The following ECI1 variants were observed in gnomAD, a reference collection of about 807,000 sequenced individuals.
ECI1 encodes enoyl-CoA delta isomerase 1, also known as enoyl-CoA delta isomerase 1, mitochondrial.
Under a neutral mutation model 34.2 loss-of-function variants are expected in ECI1, and 34 were observed. The observed-to-expected ratio is 1.00, with a 90% CI of 0.76 to 1.33. The LOEUF (loss-of-function observed/expected upper bound fraction) is 1.33. ECI1 is among the 40% of genes most tolerant of loss of function. The pLI is 0.00. For synonymous variants in ECI1, 211 were observed against 193.0 expected, an observed-to-expected ratio of 1.09 and a Z score of -0.77; for missense variants, 456 against 422.2, an observed-to-expected ratio of 1.08 and a Z score of -0.70.
intron 3 of ECI1, among the ~76,000 whole-genome samples, chr16:2,245,116 CCA>C (rs1169537654): frequency 6.6e-6 from 1 of 152,164 alleles, no homozygotes; most frequent in Non-Finnish European, 1.5e-5. Context: ...CCTCAGACTC[CCA>C]GTCAGGGCTG....
rs1176159558 is a variant in ECI1 at position 2,239,985 on chromosome 16, T to C, written c.903A>G (p.Lys301=). The change falls in exon 7 of 7, where the codon AAA becomes AAG. Residue 301 remains lysine (K), a synonymous_variant. Transcript: ENST00000301729. The part of the protein sequence containing the change: ...QMYLERLKEE[K]G The stretch of plus-strand genomic sequence containing the variant: ...GCCTGTGGCAGCCCAATCGTTAGCC[T>C]TTTTCTTCTTTGAGCCTCTCTAAGT... 1.9e-6 allele frequency: 3 copies of C among 1,613,388 alleles called. No individual in the cohort carries two copies. The highest frequency in any genetic ancestry group is 2.5e-6 in the Non-Finnish European group (3 of 1,179,840).
Position 2,240,143 on chromosome 16 carries a change from G to T in ECI1, c.745C>A (p.His249Asn), listed in dbSNP as rs144710828. The change falls in exon 7 of 7, where the codon CAT becomes AAT. Residue 249 changes from histidine to asparagine, a missense_variant and splice_region_variant. By Grantham distance (68) the His-to-Asn change is moderately conservative (BLOSUM62 1). Coordinates refer to ENST00000301729, the MANE Select transcript of ECI1 (RefSeq NM_001919.4). ...AIAQWMAIPDHARQLTKAMMR... is the reference protein window; with the variant it reads ...AIAQWMAIPDNARQLTKAMMR... ...ATGGCCTTGGTCAGCTGTCGAGCAT[G>T]GTCTAAAGAGAATGGGACGTGCCAC... 6.8e-6 allele frequency: 11 copies of T among 1,613,488 alleles called. No individual in the cohort carries two copies. Among genetic ancestry groups the T allele is most frequent in the Admixed American group, 6.7e-5 (4 of 60,000 alleles).
At chr16:2,245,991 C>A (rs1012943751) in intron 3 of ECI1, among the ~76,000 whole-genome samples, 5 of 152,008 alleles carry the variant, frequency 3.3e-5, no homozygotes, top group African/African-American at 1.2e-4. Context: ...TGGACGTGGC[C>A]AGCACTTTGG....
intron 1 of ECI1, 36 bp downstream of exon 1, chr16:2,251,479 C>T: frequency 1.9e-6 from 3 of 1,547,812 alleles, no homozygotes; most frequent in South Asian, 1.2e-5. Context: ...CTGGCCCCGG[C>T]CCCGGCCCGA....
chr16:2,248,841 C>T (rs1596788648), intron 2 of ECI1, among the ~76,000 whole-genome samples: 1 of 152,172 alleles, frequency 6.6e-6, no homozygotes, highest in African/African-American at 2.4e-5. Context: ...TCCCTGTCCC[C>T]ATGAGCAGTT....
At chr16:2,245,143 G>A (rs1057152103) in intron 3 of ECI1, among the ~76,000 whole-genome samples, 4 of 152,164 alleles carry the variant, frequency 2.6e-5, no homozygotes, top group Non-Finnish European at 4.4e-5. Flanking sequence ...CCAGGGAGGC[G>A]GGCTCGGGGA....
Position 2,239,803 on chromosome 16 carries a change from T to C in ECI1, c.*176A>G, listed in dbSNP as rs1196974722. 3.0e-6 allele frequency: 2 copies of C among 670,774 alleles called. No individual in the cohort carries two copies. The highest frequency in any genetic ancestry group is 1.7e-5 in the South Asian group (1 of 60,050). The allele number at this position is 670,774 out of a possible 1,614,324, so 41.6% of individuals were successfully genotyped here. A position where few individuals can be genotyped will look rare whatever the true frequency, so the allele number is the denominator to read the frequency against. ...CTTGCCTGACGGGCACAGGCACCCA[T>C]GTGTGTTTGTGTGTGGCTGGGCCTT... On this transcript the variant is annotated 3_prime_UTR_variant, in exon 7 of 7. Coordinates refer to ENST00000301729, the MANE Select transcript of ECI1 (RefSeq NM_001919.4).
Position 2,239,630 on chromosome 16 carries a change from G to A in ECI1, c.*349C>T. ...CCACCTGGCCTTACACCTAAGAGCA[G>A]GCAGTCCAAAGGCCAGAATGGATGA... On this transcript the variant is annotated 3_prime_UTR_variant, in exon 7 of 7. Coordinates refer to ENST00000301729, the MANE Select transcript of ECI1 (RefSeq NM_001919.4). 1 of 369,080 alleles carries A rather than the reference G, an allele frequency of 2.7e-6. No homozygotes were observed. The allele number at this position is 369,080 out of a possible 1,614,324, so 22.9% of individuals were successfully genotyped here.
At chr16:2,245,352 GCCCTGTCTGCAGGA>G (rs1217229012) in intron 3 of ECI1, among the ~76,000 whole-genome samples, 7 of 152,204 alleles carry the variant, frequency 4.6e-5, no homozygotes, top group Non-Finnish European at 7.3e-5. Context: ...TGTTTACCCC[GCCCTGTCTGCAGGA>G]AGGAGGGCGA....
Position 2,243,160 on chromosome 16 carries a change from G to A in ECI1, c.628C>T (p.Leu210=), listed in dbSNP as rs1356403284. ...RAAERALQLG[L]LFPPAEALQV... is the part of the protein sequence containing the mutation. ...AGGGCCTCCGCCGGCGGGAAGAGCA[G>A]CCCCAGCTGCAGGGCACGCTCCGCC... The change falls in exon 6 of 7, where the codon CTG becomes TTG. Residue 210 remains leucine, a synonymous_variant. Coordinates refer to ENST00000301729, the MANE Select transcript of ECI1 (RefSeq NM_001919.4). The A allele has an allele frequency of 1.2e-6, 2 of 1,607,610 alleles. No homozygotes were observed. Among genetic ancestry groups the A allele is most frequent in the Non-Finnish European group, 1.7e-6 (2 of 1,179,738 alleles).
intron 2 of ECI1, among the ~76,000 whole-genome samples, chr16:2,248,790 C>A (rs1437245265): frequency 1.3e-5 from 2 of 152,160 alleles, no homozygotes; most frequent in African/African-American, 2.4e-5. Context: ...CAACTATCGC[C>A]GCTGCCTAGT....
Position 2,246,969 on chromosome 16 carries a change from A to G in ECI1, c.184T>C (p.Phe62Leu). The change falls in exon 3 of 7, where the codon TTC becomes CTC. Residue 62 changes from phenylalanine to leucine, a missense_variant. Phe to Leu is a conservative substitution (Grantham distance 22). Coordinates refer to ENST00000301729, the MANE Select transcript of ECI1 (RefSeq NM_001919.4). ...DAGAGVAVMK[F>L]KNPPVNSLSL... is the part of the protein sequence containing the mutation. ...AGGCTGTTCACTGGGGGGTTCTTGA[A>G]TTTCATCACAGCGACCCCTAATTTA... The G allele has an allele frequency of 6.2e-7, 1 of 1,613,530 alleles. No homozygotes were observed. The highest frequency in any genetic ancestry group is 8.5e-7 in the Non-Finnish European group (1 of 1,179,990).
rs549052283 is a variant in ECI1 at position 2,240,038 on chromosome 16, C to A, written c.850G>T (p.Asp284Tyr). 2 of 1,613,878 alleles carry A rather than the reference C, an allele frequency of 1.2e-6. No individual in the cohort carries two copies. The highest frequency in any genetic ancestry group is 2.2e-5 in the South Asian group (2 of 91,092). Reference protein sequence around the residue: ...VQNFVSFISKDSIQKSLQMYL... With the variant: ...VQNFVSFISKYSIQKSLQMYL... ...ATCTGCAGGGACTTCTGGATGGAGT[C>A]TTTGGAGATGAAGCTGACGAAGTTC... Residue 284 changes from aspartate to tyrosine, a missense_variant, in exon 7 of 7, where the codon GAC becomes TAC. Transcript: ENST00000301729.
intron 6 of ECI1, among the ~76,000 whole-genome samples, chr16:2,241,972 G>A (rs1013957664): frequency 1.3e-5 from 2 of 151,352 alleles, no homozygotes; most frequent in African/African-American, 4.9e-5. Flanking sequence ...CCATCCTCCT[G>A]CCTCAGCCTC....
Position 2,243,374 on chromosome 16 carries a change from G to A in ECI1, c.507C>T (p.Asn169=). Residue 169 remains asparagine (N), a synonymous_variant, in exon 5 of 7, where the codon AAC becomes AAT. Coordinates refer to ENST00000301729, the MANE Select transcript of ECI1 (RefSeq NM_001919.4). ...CATTGAGTCCTATGCAGTACCTGGG[G>A]TTGTCCGCCAGGATGCGGTAGTCAC... The part of the protein sequence containing the change: ...LTCDYRILAD[N]PRYCIGLNET... 6.2e-7 allele frequency: 1 copy of A among 1,613,714 alleles called. No individual in the cohort carries two copies. The highest frequency in any genetic ancestry group is 8.5e-7 in the Non-Finnish European group (1 of 1,180,016).
intron 6 of ECI1, chr16:2,241,040 C>T (rs2093527032): frequency 6.6e-6 from 1 of 151,830 alleles, no homozygotes; most frequent in Non-Finnish European, 1.5e-5. Context: ...AGAATATTTC[C>T]ACGACGCAGG....
At position 2,244,242 on chromosome 16, in the gene ECI1, A is replaced by G. The variant is rs1480412753; in HGVS notation, c.441+164T>C. On this transcript the variant is annotated intron_variant, in intron 4 of 6. Coordinates refer to ENST00000301729, the MANE Select transcript of ECI1 (RefSeq NM_001919.4). ...CCTCACCCGAGGCCCACCTTTCTCA[A>G]CACGCCCCGTGGTCTGCGATGGCGC... The G allele has an allele frequency of 8.3e-6, 7 of 843,992 alleles. No individual in the cohort carries two copies. The African/African-American group carries it at 8.4e-5, about 10-fold the overall frequency. 52.3% of individuals were successfully genotyped at this position (843,992 alleles called of 1,614,324 possible).
chr16:2,247,253 C>T (rs565292788), intron 2 of ECI1, among the ~76,000 whole-genome samples: 1 of 152,206 alleles, frequency 6.6e-6, no homozygotes, highest in South Asian at 2.1e-4. Flanking sequence ...CCCACCACCA[C>T]GCCCGGATAA....
chr16:2,242,903 G>C, intron 6 of ECI1, 143 bp downstream of exon 6: 2 of 712,850 alleles, frequency 2.8e-6, no homozygotes, highest in Non-Finnish European at 2.5e-6. Context: ...TCTGTGCTGC[G>C]TTGTTACAGC....
Sources: gnomAD v4.1 joint callset for allele counts (sites outside exome capture counted in the v4.1 genomes callset) on GRCh38, gnomAD v4.1.1 for gene constraint, MANE v1.5 for transcripts, NCBI Gene and HGNC (gene_info 2026-07-23, HGNC 2026-07-21) for gene names.